The following TRPM3 variants were observed in gnomAD, a reference collection of about 807,000 sequenced individuals.
TRPM3 encodes the protein long transient receptor potential channel 3.
In TRPM3, 77 loss-of-function variants were observed where a neutral mutation model predicts 181.2. The ratio of observed to expected loss-of-function variants is 0.42; its 90% CI spans 0.35 to 0.51. The LOEUF is 0.51. Ranked by LOEUF, TRPM3 falls within the 20% of genes least tolerant of loss-of-function variation. TRPM3 has a pLI of 0.01. For missense variants in TRPM3, 1,759 were observed against 2,196.7 expected, an observed-to-expected ratio of 0.80 and a Z score of 3.98; for synonymous variants, 745 against 796.4, an observed-to-expected ratio of 0.94 and a Z score of 1.09.
intron 1 of TRPM3, among the ~76,000 whole-genome samples, chr9:70,886,233 G>A (rs576882423): frequency 5.1e-4 from 78 of 152,204 alleles, no homozygotes; most frequent in African/African-American, 1.9e-3. Flanking sequence ...GGCTACTTTA[G>A]TGTTTTTCCT....
intron 1 of TRPM3, among the ~76,000 whole-genome samples, chr9:70,918,013 A>G (rs1164818860): frequency 3.3e-5 from 5 of 152,228 alleles, no homozygotes; most frequent in Non-Finnish European, 7.3e-5. Context: ...TATATCAGAC[A>G]AAATAGATTT....
chr9:70,822,884 C>G lies in TRPM3; in HGVS notation c.973+4963G>C, dbSNP rs984282091. Reference sequence around the variant, plus strand: ...TCTCCCTAACTGGGTCCTTGCTTGTCAATATGCCCATGTGTCACTACCCAC... The same window carrying G: ...TCTCCCTAACTGGGTCCTTGCTTGTGAATATGCCCATGTGTCACTACCCAC... On this transcript the variant is annotated intron_variant, in intron 6 of 25. Coordinates refer to ENST00000677713, the MANE Select transcript of TRPM3 (RefSeq NM_001366145.2). Among the ~76,000 whole-genome samples the G allele has an allele frequency of 3.3e-5, 5 of 151,994 alleles. No individual in the cohort carries two copies. The East Asian group carries it at 9.7e-4, about 29-fold the overall frequency.
At chr9:71,309,390 T>G (rs1237671979) in intron 1 of TRPM3, among the ~76,000 whole-genome samples, 1 of 152,166 alleles carries the variant, frequency 6.6e-6, no homozygotes, top group Non-Finnish European at 1.5e-5. Context: ...AGGATACCAA[T>G]TCAATAGCTT....
chr9:70,753,399 T>C (rs1459010631), intron 8 of TRPM3, among the ~76,000 whole-genome samples: 1 of 152,160 alleles, frequency 6.6e-6, no homozygotes, highest in African/African-American at 2.4e-5. Flanking sequence ...ACAATGATTG[T>C]AGGGAATAGG....
chr9:71,003,697 C>G (rs763012469), intron 1 of TRPM3, among the ~76,000 whole-genome samples: 1 of 152,040 alleles, frequency 6.6e-6, no homozygotes, highest in Admixed American at 6.5e-5. Flanking sequence ...AGTTCGGTAT[C>G]GTTTTATTTT....
chr9:70,989,614 C>T (rs554057329), intron 1 of TRPM3, among the ~76,000 whole-genome samples: 2 of 152,172 alleles, frequency 1.3e-5, no homozygotes, highest in East Asian at 3.9e-4. Context: ...GCATTTTCTG[C>T]CCTTCTGACC....
chr9:70,868,266 G>A (rs1019367843), intron 1 of TRPM3, among the ~76,000 whole-genome samples: 3 of 151,826 alleles, frequency 2.0e-5, no homozygotes, highest in Admixed American at 2.0e-4. Context: ...TGTGTAATAG[G>A]GAAGTGTTTT....
At chr9:71,278,099 A>G (rs1368034260) in intron 1 of TRPM3, among the ~76,000 whole-genome samples, 2 of 152,266 alleles carry the variant, frequency 1.3e-5, no homozygotes, top group African/African-American at 2.4e-5. Context: ...CAGTAGAAAT[A>G]ACTGCTTTAT....
intron 1 of TRPM3, among the ~76,000 whole-genome samples, chr9:71,146,393 A>G (rs533887635): frequency 2.6e-5 from 4 of 152,244 alleles, no homozygotes; most frequent in Non-Finnish European, 5.9e-5. Flanking sequence ...GAAATTTTGA[A>G]ACCTCAAGAA....
intron 8 of TRPM3, among the ~76,000 whole-genome samples, chr9:70,742,764 G>A (rs2074394553): frequency 6.6e-6 from 1 of 152,148 alleles, no homozygotes; most frequent in Non-Finnish European, 1.5e-5. Context: ...TGCCTACCAT[G>A]AGAGGTTATT....
At chr9:70,958,434 C>T (rs1040473747) in intron 1 of TRPM3, among the ~76,000 whole-genome samples, 4 of 152,152 alleles carry the variant, frequency 2.6e-5, no homozygotes, top group African/African-American at 9.7e-5. Flanking sequence ...ACATCCTCTC[C>T]AGCACCTGTT....
chr9:71,018,234 T>C (rs1169071137), intron 1 of TRPM3, among the ~76,000 whole-genome samples: 2 of 142,726 alleles, frequency 1.4e-5, no homozygotes, highest in East Asian at 4.1e-4. Flanking sequence ...GCAAAAAAAA[T>C]GCCTGGAAAT....
At chr9:71,182,247 T>C (rs1381189912) in intron 1 of TRPM3, among the ~76,000 whole-genome samples, 1 of 152,162 alleles carries the variant, frequency 6.6e-6, no homozygotes, top group Non-Finnish European at 1.5e-5. Flanking sequence ...AAAGAATTAT[T>C]GGGGTATATG....
intron 1 of TRPM3, among the ~76,000 whole-genome samples, chr9:70,934,127 G>T (rs536221357): frequency 1.3e-5 from 2 of 152,158 alleles, no homozygotes; most frequent in East Asian, 3.9e-4. Context: ...TTATCTCAAG[G>T]CTCTATTCTT....
At chr9:70,573,314 T>C (rs1357079368) in intron 22 of TRPM3, among the ~76,000 whole-genome samples, 1 of 152,108 alleles carries the variant, frequency 6.6e-6, no homozygotes, top group Non-Finnish European at 1.5e-5. Context: ...CAAAATACCA[T>C]CTCCCTTGAT....
At chr9:71,142,912 A>G (rs796451015) in intron 1 of TRPM3, among the ~76,000 whole-genome samples, 43 of 151,932 alleles carry the variant, frequency 2.8e-4, no homozygotes, top group African/African-American at 1.0e-3. Flanking sequence ...CAGGAGTTTG[A>G]GACCATCCTG....
rs2097434813 is a variant in TRPM3 at position 70,987,664 on chromosome 9, A to G, written c.178-123153T>C. 1.3e-5 allele frequency among the ~76,000 whole-genome samples: 2 copies of G among 152,166 alleles called. 1 individual carries two copies. Among genetic ancestry groups the G allele is most frequent in the Admixed American group, 1.3e-4 (2 of 15,274 alleles). On this transcript the variant is annotated intron_variant, in intron 1 of 25. Transcript: ENST00000677713. ...TTTTTATCATTCTGAGAATATAGTC[A>G]TATACATACTATAAGATATTGTTAA...
At chr9:70,988,881 GCAAGACAAAAGGATTT>G (rs1334734252) in intron 1 of TRPM3, among the ~76,000 whole-genome samples, 3 of 152,136 alleles carry the variant, frequency 2.0e-5, no homozygotes, top group African/African-American at 7.2e-5. Flanking sequence ...CTGAAAGCCA[GCAAGACAAAAGGATTT>G]CCTTTCCACA....
At position 70,553,234 on chromosome 9, in the gene TRPM3, G is replaced by A. The variant is rs780444696; in HGVS notation, c.3300C>T (p.Ile1100=). The change falls in exon 23 of 26, where the codon ATC becomes ATT. Residue 1100 remains isoleucine, a synonymous_variant. Coordinates refer to ENST00000677713, the MANE Select transcript of TRPM3 (RefSeq NM_001366145.2). Reference sequence around the variant, plus strand: ...GGTAGCAGGCCATGATGGCCGGCACGATCCAAGCTCCTGTCTTGCAGGGAG... The same window carrying A: ...GGTAGCAGGCCATGATGGCCGGCACAATCCAAGCTCCTGTCTTGCAGGGAG... ...QLPPCKTGAW[I]VPAIMACYLL... is the part of the protein sequence containing the mutation. 1.6e-4 allele frequency: 259 copies of A among 1,614,098 alleles called. No homozygotes were observed. The highest frequency in any genetic ancestry group is 1.3e-3 in the Middle Eastern group (8 of 6,062).
Sources: gnomAD v4.1 joint callset for allele counts (sites outside exome capture counted in the v4.1 genomes callset) on GRCh38, gnomAD v4.1.1 for gene constraint, MANE v1.5 for transcripts, NCBI Gene and HGNC (gene_info 2026-07-23, HGNC 2026-07-21) for gene names.